Variants in DPYSL2 observed in about 807,000 individuals in gnomAD.
DPYSL2 encodes dihydropyrimidinase like 2.
DPYSL2 carries 13 observed loss-of-function variants against 69.9 expected under a neutral mutation model. The ratio of observed to expected loss-of-function variants is 0.19; its 90% CI spans 0.12 to 0.30. The LOEUF (loss-of-function observed/expected upper bound fraction) is 0.30. Among genes scored for constraint, DPYSL2 ranks in the 10% least tolerant of loss-of-function variants. DPYSL2 has a pLI of 1.00. For synonymous variants in DPYSL2, 326 were observed against 359.1 expected, an observed-to-expected ratio of 0.91 and a Z score of 1.04; for missense variants, 587 against 918.9, an observed-to-expected ratio of 0.64 and a Z score of 4.67.
Position 26,514,724 on chromosome 8 carries a change from G to C in DPYSL2, c.354+45G>C. 134 of 1,167,088 alleles carry C rather than the reference G, an allele frequency of 1.1e-4. No individual in the cohort carries two copies. Among genetic ancestry groups the C allele is most frequent in the Non-Finnish European group, 1.3e-4 (119 of 886,926 alleles). The allele number at this position is 1,167,088 out of a possible 1,614,324, so 72.3% of individuals were successfully genotyped here. ...GTGGAGACGGAGGACGGGGCGCGGG[G>C]ATCGCCCCTCCCTCGCCCCTGAGCC... is the stretch of plus-strand genomic sequence containing the variant. On this transcript the variant is annotated intron_variant, in intron 1 of 13. Transcript: ENST00000521913. This position sits in a 1 kb window ranked among gnomAD's most constrained non-coding sequence, Gnocchi z 8.4.
rs1808300409 is a variant in DPYSL2, at chr8:26,517,006, A to T, written c.354+2327A>T. Among the ~76,000 whole-genome samples the T allele has an allele frequency of 2.0e-5, 3 of 152,204 alleles. No homozygotes were observed. Among genetic ancestry groups the T allele is most frequent in the Non-Finnish European group, 2.9e-5 (2 of 68,026 alleles). On this transcript the variant is annotated intron_variant, in intron 1 of 13. Coordinates refer to ENST00000521913, the MANE Select transcript of DPYSL2 (RefSeq NM_001197293.3). This position sits in a 1 kb window ranked among gnomAD's most constrained non-coding sequence, Gnocchi z 4.2. The stretch of plus-strand genomic sequence containing the variant: ...CTTGTCATTAGTTGGTTTTCAACGA[A>T]TGAGTTGGGTGAGTGCCAGCATCTC...
chr8:26,530,579 C>T (rs1045018460), intron 1 of DPYSL2, among the ~76,000 whole-genome samples: 5 of 151,906 alleles, frequency 3.3e-5, no homozygotes, highest in African/African-American at 1.2e-4. Context: ...TTTTAGGACC[C>T]TTTAAAAAAT....
intron 1 of DPYSL2, among the ~76,000 whole-genome samples, chr8:26,548,962 G>A (rs1160802883): frequency 6.6e-6 from 1 of 152,142 alleles, no homozygotes; most frequent in Non-Finnish European, 1.5e-5. Context: ...GCTGAGGCGG[G>A]CAGATCATTT....
In DPYSL2 at chr8:26,627,180, C is replaced by T. The variant is rs756018428; in HGVS notation, c.856-35C>T. On this transcript the variant is annotated intron_variant, in intron 5 of 13. Coordinates refer to ENST00000521913, the MANE Select transcript of DPYSL2 (RefSeq NM_001197293.3). This position sits in a 1 kb window ranked among gnomAD's most constrained non-coding sequence, Gnocchi z 6.9. ...TCTTTGTGAACAGGAAGATGGAAGTCCCTGTCTCTGATCCCACCCTTGTCT... is the reference window on the plus strand; with the variant it reads ...TCTTTGTGAACAGGAAGATGGAAGTTCCTGTCTCTGATCCCACCCTTGTCT... 3.1e-6 allele frequency: 5 copies of T among 1,589,704 alleles called. No homozygotes were observed. Among genetic ancestry groups the T allele is most frequent in the South Asian group, 2.2e-5 (2 of 90,438 alleles).
chr8:26,576,023 ACATCATCT>A (rs1164020681), intron 1 of DPYSL2, among the ~76,000 whole-genome samples: 1 of 152,204 alleles, frequency 6.6e-6, no homozygotes, highest in East Asian at 1.9e-4. Context: ...ATACTTGCCG[ACATCATCT>A]CACCTTGCTT....
chr8:26,611,545 G>A (rs955881111), intron 3 of DPYSL2, among the ~76,000 whole-genome samples: 4 of 152,320 alleles, frequency 2.6e-5, no homozygotes, highest in Admixed American at 2.6e-4. Context: ...TCCCACTGGT[G>A]GAAGGGATAT....
intron 1 of DPYSL2, among the ~76,000 whole-genome samples, chr8:26,556,160 G>A (rs1296322751): frequency 0.012 from 21 of 1,710 alleles, 2 homozygotes; most frequent in Admixed American, 0.038. Context: ...ACTATATATA[G>A]TATATACTAT....
At chr8:26,569,067 G>A (rs1029867843) in intron 1 of DPYSL2, among the ~76,000 whole-genome samples, 1 of 152,120 alleles carries the variant, frequency 6.6e-6, no homozygotes, top group African/African-American at 2.4e-5. Context: ...TTAAAAGCCT[G>A]GGGTGAAGTC....
chr8:26,524,835 A>AAAAAAAAAAAAAAAAAAAAAAAAAAAG (rs1563374151), intron 1 of DPYSL2, among the ~76,000 whole-genome samples: 1 of 74,184 alleles, frequency 1.3e-5, no homozygotes, highest in African/African-American at 4.3e-5. Flanking sequence ...AAAAAAAAAA[A>AAAAAAAAAAAAAAAAAAAAAAAAAAAG]AGAGAGAGAA....
rs1802561463 is a variant in DPYSL2, at chr8:26,624,091, C to T, written c.629-52C>T. On this transcript the variant is annotated intron_variant, in intron 3 of 13. Coordinates refer to ENST00000521913, the MANE Select transcript of DPYSL2 (RefSeq NM_001197293.3). The surrounding 1 kb of genome is among the most constrained non-coding windows in gnomAD (Gnocchi z 4.7). ...TTCAAGTGGGAAAATACCTGCTGGC[C>T]CACGGCCCTTGAGGCTCTTGGTGAT... The T allele has an allele frequency of 2.5e-6, 4 of 1,601,418 alleles. No homozygotes were observed. The highest frequency in any genetic ancestry group is 2.2e-5 in the East Asian group (1 of 44,746).
intron 3 of DPYSL2, among the ~76,000 whole-genome samples, chr8:26,603,679 C>G (rs953103667): frequency 2.0e-5 from 3 of 152,212 alleles, no homozygotes; most frequent in African/African-American, 7.2e-5. Flanking sequence ...CCACCTTTCT[C>G]TAGCCCCTGG....
intron 3 of DPYSL2, among the ~76,000 whole-genome samples, chr8:26,594,352 A>G (rs1482166686): frequency 1.3e-5 from 2 of 151,936 alleles, no homozygotes; most frequent in Non-Finnish European, 2.9e-5. Flanking sequence ...ATCTCTATCT[A>G]TCTATTAATA....
At chr8:26,639,387 C>T (rs1246058297) in intron 8 of DPYSL2, among the ~76,000 whole-genome samples, 1 of 152,192 alleles carries the variant, frequency 6.6e-6, no homozygotes, top group African/African-American at 2.4e-5. Flanking sequence ...ATGTTGGCAT[C>T]GGAGTCCAAA....
At chr8:26,613,034 T>C (rs1360785064) in intron 3 of DPYSL2, among the ~76,000 whole-genome samples, 1 of 152,266 alleles carries the variant, frequency 6.6e-6, no homozygotes, top group Non-Finnish European at 1.5e-5. Context: ...AGGTTGATAT[T>C]ATTGCTATTC....
intron 1 of DPYSL2, among the ~76,000 whole-genome samples, chr8:26,549,783 C>A (rs990580002): frequency 6.6e-6 from 1 of 152,134 alleles, no homozygotes; most frequent in Non-Finnish European, 1.5e-5. Flanking sequence ...GCTGAAAGAA[C>A]AAAAACACCA....
chr8:26,618,837 G>A lies in DPYSL2; in HGVS notation c.629-5306G>A, dbSNP rs140602324. 1.3e-3 allele frequency among the ~76,000 whole-genome samples: 199 copies of A among 151,124 alleles called. 1 individual carries two copies. The highest frequency in any genetic ancestry group is 4.7e-3 in the African/African-American group (192 of 41,220). The stretch of plus-strand genomic sequence containing the variant: ...GCCGGGCATGATGGCGCGCGCCTGT[G>A]ATCCCAGCTACTCAGGACGCTGAGG... On this transcript the variant is annotated intron_variant, in intron 3 of 13. Coordinates refer to ENST00000521913, the MANE Select transcript of DPYSL2 (RefSeq NM_001197293.3).
chr8:26,540,867 T>G (rs1288851847), intron 1 of DPYSL2, among the ~76,000 whole-genome samples: 2 of 148,130 alleles, frequency 1.4e-5, no homozygotes, highest in Non-Finnish European at 3.0e-5. Flanking sequence ...ATCATGCCAT[T>G]GCACTCCAGC....
intron 1 of DPYSL2, among the ~76,000 whole-genome samples, chr8:26,521,807 C>T (rs1039654344): frequency 2.6e-5 from 4 of 152,102 alleles, no homozygotes; most frequent in African/African-American, 9.6e-5. Context: ...TTGTTTTTCA[C>T]TTAGTATAAT....
At position 26,644,190 on chromosome 8, in the gene DPYSL2, G is replaced by T; in HGVS notation, c.1425+99G>T. On this transcript the variant is annotated intron_variant, in intron 10 of 13. Transcript: ENST00000521913. This position sits in a 1 kb window ranked among gnomAD's most constrained non-coding sequence, Gnocchi z 4.5. Reference sequence around the variant, plus strand: ...CATGGAGGCCTTGAAATGACAGACAGTGGAGGACATCCTAGAAGCCAGTAC... The same window carrying T: ...CATGGAGGCCTTGAAATGACAGACATTGGAGGACATCCTAGAAGCCAGTAC... 1 of 1,434,638 alleles carries T rather than the reference G, an allele frequency of 7.0e-7. No homozygotes were observed. The highest frequency in any genetic ancestry group is 9.4e-7 in the Non-Finnish European group (1 of 1,067,666). 88.9% of individuals were successfully genotyped at this position (1,434,638 alleles called of 1,614,324 possible).
Sources: allele counts gnomAD v4.1 joint callset (sites outside exome capture counted in the v4.1 genomes callset), GRCh38; gene constraint gnomAD v4.1.1; non-coding constraint Gnocchi (gnomAD v3.1); transcripts MANE v1.5; gene names NCBI Gene and HGNC (gene_info 2026-07-23, HGNC 2026-07-21).